LGR4: variants seen among roughly 807,000 people sequenced by gnomAD.
LGR4 encodes leucine-rich repeat-containing G protein-coupled receptor 4.
A neutral mutation model predicts 84.8 loss-of-function variants in LGR4; 44 were observed. The ratio of observed to expected loss-of-function variants is 0.52; its 90% confidence interval spans 0.41 to 0.67. The LOEUF (loss-of-function observed/expected upper bound fraction) is 0.67, where lower values mean the gene tolerates loss of function less well. LGR4 is among the 30% of genes least tolerant of loss of function. LGR4 has a pLI of 0.00. For missense variants in LGR4, 1,032 were observed against 1,131.4 expected (o/e 0.91, Z 1.26); for synonymous variants, 429 against 434.3 (o/e 0.99, Z 0.15).
intron 1 of LGR4, among the ~76,000 whole-genome samples, chr11:27,469,032 T>A (rs2133464330): frequency 6.6e-6 from 1 of 152,336 alleles, no homozygotes; most frequent in East Asian, 1.9e-4. Flanking sequence ...TCCTTCTGAT[T>A]AAACTTCGGA....
chr11:27,391,256 A>G, intron 3 of LGR4, 91 bp from the exon 4 acceptor site: 1 of 628,576 alleles, frequency 1.6e-6, no homozygotes, highest in South Asian at 2.0e-5. Flanking sequence ...TTTTTTCAAA[A>G]AATATTTCCA....
chr11:27,411,865 C>T (rs1863717773), intron 2 of LGR4, among the ~76,000 whole-genome samples: 1 of 152,094 alleles, frequency 6.6e-6, no homozygotes, highest in East Asian at 1.9e-4. Flanking sequence ...AGATGGAAGA[C>T]ATTCGCTGAC....
intron 2 of LGR4, among the ~76,000 whole-genome samples, chr11:27,403,421 C>A (rs986905591): frequency 2.0e-5 from 3 of 152,132 alleles, no homozygotes; most frequent in Admixed American, 2.0e-4. Context: ...CTAGCCTGGA[C>A]AATAGAGTGA....
chr11:27,368,828 G>A lies in LGR4; in HGVS notation c.1895C>T (p.Ala632Val). 6.2e-7 allele frequency: 1 copy of A among 1,614,034 alleles called. No homozygotes were observed. Among genetic ancestry groups the A allele is most frequent in the Non-Finnish European group, 8.5e-7 (1 of 1,180,006 alleles). The change falls in exon 18 of 18, where the codon GCC becomes GTC. Residue 632 changes from alanine to valine, a missense_variant. By Grantham distance (64) the Ala-to-Val change is moderately conservative. Coordinates refer to ENST00000379214, the MANE Select transcript of LGR4 (RefSeq NM_018490.5). ...GFLAVFSSES[A>V]IFLLMLATVE... ...AGTTGCTAGCATTAATAAAAATATG[G>A]CACTTTCTGAGGAGAAAACTGCAAG...
chr11:27,380,252 T>A lies in LGR4; in HGVS notation c.971+19A>T. ...TAGTGTTATCTTTATACAACCCCTC[T>A]TCAAAGGGCCTTACTTACAGACTTT... is the stretch of plus-strand genomic sequence containing the variant. On this transcript the variant is annotated intron_variant, in intron 10 of 17. Coordinates refer to ENST00000379214, the MANE Select transcript of LGR4 (RefSeq NM_018490.5). 1 of 1,555,774 alleles carries A rather than the reference T, an allele frequency of 6.4e-7. No homozygotes were observed. The highest frequency in any genetic ancestry group is 1.1e-5 in the South Asian group (1 of 87,064).
chr11:27,472,213 C>T lies in LGR4; in HGVS notation c.90G>A (p.Ala30=). 3.7e-6 allele frequency: 5 copies of T among 1,367,010 alleles called. No homozygotes were observed. The highest frequency in any genetic ancestry group is 4.7e-6 in the Non-Finnish European group (5 of 1,058,696). 84.7% of individuals were successfully genotyped at this position (1,367,010 alleles called of 1,614,324 possible). ...GGTCGCCGTCGCAGCTGCAGGGCGC[C>T]GCGCAGAGAGGCGGCGCCGCGCCGC... ...GPSGAAPPLC[A]APCSCDGDRR... Residue 30 remains alanine, a synonymous_variant, in exon 1 of 18, where the codon GCG becomes GCA. Coordinates refer to ENST00000379214, the MANE Select transcript of LGR4 (RefSeq NM_018490.5).
chr11:27,426,479 A>G (rs1408309390), intron 1 of LGR4, among the ~76,000 whole-genome samples: 1 of 152,224 alleles, frequency 6.6e-6, no homozygotes, highest in Non-Finnish European at 1.5e-5. Context: ...TAGAAAGCAC[A>G]GTGGTTAACA....
At chr11:27,401,640 C>A (rs1239906979) in intron 2 of LGR4, among the ~76,000 whole-genome samples, 1 of 152,130 alleles carries the variant, frequency 6.6e-6, no homozygotes, top group Non-Finnish European at 1.5e-5. Flanking sequence ...CATTTCATTT[C>A]TTTTAAATAA....
chr11:27,394,062 G>A (rs1379879605), intron 2 of LGR4, among the ~76,000 whole-genome samples: 1 of 151,788 alleles, frequency 6.6e-6, no homozygotes, highest in East Asian at 1.9e-4. Flanking sequence ...GGATTCTCAG[G>A]CGATACCACC....
At chr11:27,452,376 C>T (rs1864494804) in intron 1 of LGR4, among the ~76,000 whole-genome samples, 1 of 152,112 alleles carries the variant, frequency 6.6e-6, no homozygotes, top group East Asian at 1.9e-4. Flanking sequence ...ATCAGCTAAA[C>T]CGGGAAATTT....
chr11:27,380,126 A>G, intron 10 of LGR4, 145 bp downstream of exon 10: 1 of 518,918 alleles, frequency 1.9e-6, no homozygotes, highest in South Asian at 4.0e-5. Flanking sequence ...CATACCCAAT[A>G]TATTCTTCTC....
rs1489480064 is a variant in LGR4 at position 27,380,340 on chromosome 11, C to G, written c.903-1G>C. ...CACCATGCTTGCACCACGAATGACTCTTTATGAAATTGAGAAAGACAAGGT... is the reference window on the plus strand; with the variant it reads ...CACCATGCTTGCACCACGAATGACTGTTTATGAAATTGAGAAAGACAAGGT... On this transcript the variant is annotated splice_acceptor_variant, in intron 9 of 17. Coordinates refer to ENST00000379214, the MANE Select transcript of LGR4 (RefSeq NM_018490.5). LOFTEE classifies it high-confidence loss of function. 1 of 1,602,928 alleles carries G rather than the reference C, an allele frequency of 6.2e-7. No individual in the cohort carries two copies. The highest frequency in any genetic ancestry group is 2.2e-5 in the East Asian group (1 of 44,780).
At chr11:27,421,527 G>A (rs1343082306) in intron 1 of LGR4, among the ~76,000 whole-genome samples, 2 of 152,122 alleles carry the variant, frequency 1.3e-5, no homozygotes, top group Non-Finnish European at 2.9e-5. Flanking sequence ...GTTCTTCAAG[G>A]GGAAGCTAAC....
intron 1 of LGR4, among the ~76,000 whole-genome samples, chr11:27,451,347 A>G (rs1024763716): frequency 6.6e-6 from 1 of 152,202 alleles, no homozygotes; most frequent in Non-Finnish European, 1.5e-5. Context: ...TTATGGTCCA[A>G]AGACAGCGCC....
intron 2 of LGR4, among the ~76,000 whole-genome samples, chr11:27,396,935 G>A (rs1186127195): frequency 6.6e-6 from 1 of 152,078 alleles, no homozygotes; most frequent in African/African-American, 2.4e-5. Flanking sequence ...CAAAGACCAC[G>A]AGAGTGTCTC....
At chr11:27,382,424 A>C (rs1272840559) in intron 6 of LGR4, among the ~76,000 whole-genome samples, 168 bp from the exon 7 acceptor site, 1 of 141,762 alleles carries the variant, frequency 7.1e-6, no homozygotes, top group African/African-American at 2.5e-5. Context: ...CTGAATTTAC[A>C]CCTTTTCTTA....
At position 27,371,614 on chromosome 11, in the gene LGR4, C is replaced by T. The variant is rs1225304015; in HGVS notation, c.1579+1G>A. 2.5e-6 allele frequency: 4 copies of T among 1,605,160 alleles called. No homozygotes were observed. The highest frequency in any genetic ancestry group is 1.1e-5 in the South Asian group (1 of 89,800). Reference sequence around the variant, plus strand: ...ACTGTGAAAAAATAGGCCAGGCATACCTGTTGAAGGTGTACAATGGATAAT... The same window carrying T: ...ACTGTGAAAAAATAGGCCAGGCATATCTGTTGAAGGTGTACAATGGATAAT... On this transcript the variant is annotated splice_donor_variant, in intron 17 of 17. Transcript: ENST00000379214. LOFTEE classifies it high-confidence loss of function.
At chr11:27,460,546 T>C (rs1864661959) in intron 1 of LGR4, among the ~76,000 whole-genome samples, 1 of 152,230 alleles carries the variant, frequency 6.6e-6, no homozygotes, top group African/African-American at 2.4e-5. Context: ...CCATCCTAAG[T>C]TAATTCAAAC....
intron 17 of LGR4, among the ~76,000 whole-genome samples, chr11:27,371,045 T>C (rs2088188598): frequency 6.6e-6 from 1 of 152,192 alleles, no homozygotes; most frequent in African/African-American, 2.4e-5. Flanking sequence ...AAAATTAATG[T>C]CCAGATTATC....
Sources: allele counts gnomAD v4.1 joint callset (sites outside exome capture counted in the v4.1 genomes callset), GRCh38; gene constraint gnomAD v4.1.1; transcripts MANE v1.5; gene names NCBI Gene and HGNC (gene_info 2026-07-23, HGNC 2026-07-21).